ATP2B2: variants seen among roughly 807,000 people sequenced by gnomAD.
ATP2B2 encodes the protein ATPase plasma membrane Ca2+ transporting 2.
ATP2B2 carries 15 observed loss-of-function variants against 120.0 expected under a neutral mutation model. The observed-to-expected ratio is 0.12, with a 90% CI of 0.08 to 0.19. The LOEUF (loss-of-function observed/expected upper bound fraction) is 0.19, where lower values mean the gene tolerates loss of function less well. ATP2B2 is among the 10% of genes least tolerant of loss of function. ATP2B2 has a pLI of 1.00. For synonymous variants in ATP2B2, 694 were observed against 700.3 expected (o/e 0.99, Z 0.14); for missense variants, 1,045 against 1,719.8 (o/e 0.61, Z 6.94).
intron 1 of ATP2B2, among the ~76,000 whole-genome samples, chr3:10,451,336 C>A (rs376482319): frequency 5.9e-5 from 9 of 152,120 alleles, no homozygotes; most frequent in African/African-American, 2.2e-4. Context: ...GAGCGATTTG[C>A]GTTCAAATCC....
chr3:10,649,444 A>T (rs1010849589), intron 1 of ATP2B2, among the ~76,000 whole-genome samples: 3 of 152,132 alleles, frequency 2.0e-5, no homozygotes, highest in African/African-American at 7.2e-5. Flanking sequence ...ATCTTATGTC[A>T]TCCTTCTGCC....
intron 1 of ATP2B2, among the ~76,000 whole-genome samples, chr3:10,683,451 T>C (rs1264638796): frequency 1.3e-5 from 2 of 152,102 alleles, no homozygotes; most frequent in East Asian, 3.9e-4. Flanking sequence ...TCATTCTTCA[T>C]GTGGAACTGG....
At chr3:10,336,197 C>T in intron 22 of ATP2B2, 6 of 1,550,672 alleles carry the variant, frequency 3.9e-6, no homozygotes, top group Non-Finnish European at 5.2e-6. Flanking sequence ...GCGACTAGGG[C>T]TAGAGAGATT....
intron 2 of ATP2B2, among the ~76,000 whole-genome samples, chr3:10,416,681 A>G (rs2062792892): frequency 6.6e-6 from 1 of 151,822 alleles, no homozygotes; most frequent in South Asian, 2.1e-4. Context: ...TTGGCCCCAG[A>G]GCACAGAGCT....
intron 3 of ATP2B2, among the ~76,000 whole-genome samples, chr3:10,407,088 C>T (rs6786239): frequency 0.12 from 18,858 of 152,158 alleles, 1,452 homozygotes; most frequent in Admixed American, 0.22. Flanking sequence ...CTCCCCAGTG[C>T]GGGAAGCCTG....
intron 2 of ATP2B2, among the ~76,000 whole-genome samples, chr3:10,547,223 G>A (rs536568712): frequency 2.6e-5 from 4 of 152,202 alleles, no homozygotes; most frequent in South Asian, 2.1e-4. Flanking sequence ...GGGACTCAGC[G>A]GCTCTGGTTG....
At chr3:10,676,624 A>G (rs1206251834) in intron 1 of ATP2B2, among the ~76,000 whole-genome samples, 1 of 152,192 alleles carries the variant, frequency 6.6e-6, no homozygotes, top group Non-Finnish European at 1.5e-5. Flanking sequence ...CAGTAGGAAC[A>G]CTGCAAATAT....
rs1262681625 is a variant in ATP2B2 at position 10,342,025 on chromosome 3, G to A, written c.2917+727C>T. Among the ~76,000 whole-genome samples, 1 of 152,232 alleles carries A rather than the reference G, an allele frequency of 6.6e-6. No homozygotes were observed. The highest frequency in any genetic ancestry group is 2.4e-5 in the African/African-American group (1 of 41,460). ...GGCCCTGATTCCATGTGGGACTGCGGGCCAGACCCTTCCCCTCTCTGGGCC... is the reference window on the plus strand; with the variant it reads ...GGCCCTGATTCCATGTGGGACTGCGAGCCAGACCCTTCCCCTCTCTGGGCC... On this transcript the variant is annotated intron_variant, in intron 19 of 22. Coordinates refer to ENST00000360273, the MANE Select transcript of ATP2B2 (RefSeq NM_001001331.4). This position sits in a 1 kb window ranked among gnomAD's most constrained non-coding sequence, Gnocchi z 4.4.
chr3:10,345,583 GA>G lies in ATP2B2; in HGVS notation c.2512-9del, dbSNP rs768058291. ...GTCAGTGCCTGCGATGCCCTGTGGG[GA>G]CAGGGACAGGAGGCTGGGTGGGGTG... On this transcript the variant is annotated splice_polypyrimidine_tract_variant and intron_variant, in intron 17 of 22. Coordinates refer to ENST00000360273, the MANE Select transcript of ATP2B2 (RefSeq NM_001001331.4). 6.2e-7 allele frequency: 1 copy of G among 1,613,742 alleles called. No individual in the cohort carries two copies. Among genetic ancestry groups the G allele is most frequent in the Non-Finnish European group, 8.5e-7 (1 of 1,179,666 alleles).
intron 1 of ATP2B2, among the ~76,000 whole-genome samples, chr3:10,452,038 T>C (rs1323994207): frequency 6.6e-6 from 1 of 152,244 alleles, no homozygotes; most frequent in Non-Finnish European, 1.5e-5. Flanking sequence ...AGTGAATGAA[T>C]GAAAAGCAAA....
In ATP2B2 at chr3:10,605,583, A is replaced by C. The variant is rs1035625112; in HGVS notation, c.-415+14334T>G. On this transcript the variant is annotated intron_variant, in intron 2 of 21. Transcript: ENST00000646379. ...ACCTAAGAACAGTTTGTGAGGCTGG[A>C]GCTGGAGGATTGCTTGAGGCCAGCA... Among the ~76,000 whole-genome samples, 5 of 152,014 alleles carry C rather than the reference A, an allele frequency of 3.3e-5. No individual in the cohort carries two copies. In the East Asian group the frequency reaches 7.8e-4, roughly 24 times the overall value.
chr3:10,476,162 G>T (rs1018339848), intron 1 of ATP2B2, among the ~76,000 whole-genome samples: 27 of 152,220 alleles, frequency 1.8e-4, no homozygotes, highest in Admixed American at 8.5e-4. Flanking sequence ...ACCAGCTGGT[G>T]AAACTGGGAA....
At chr3:10,419,328 G>A (rs998350959) in intron 2 of ATP2B2, among the ~76,000 whole-genome samples, 5 of 152,168 alleles carry the variant, frequency 3.3e-5, no homozygotes, top group African/African-American at 1.2e-4. Context: ...GCAGTCTGGG[G>A]TTGACAGAGG....
intron 1 of ATP2B2, among the ~76,000 whole-genome samples, chr3:10,471,364 CTGTG>C (rs58583936): frequency 0.12 from 18,506 of 150,326 alleles, 1,614 homozygotes; most frequent in East Asian, 0.35. Context: ...TTCAGGAAAC[CTGTG>C]TGTGTGTGTG....
At chr3:10,491,210 G>A (rs1393292521) in intron 1 of ATP2B2, among the ~76,000 whole-genome samples, 2 of 151,108 alleles carry the variant, frequency 1.3e-5, no homozygotes, top group African/African-American at 2.4e-5. Context: ...CACATGTGCT[G>A]GCTCCTTCAT....
At chr3:10,348,755 G>T (rs574111705) in intron 16 of ATP2B2, among the ~76,000 whole-genome samples, 1 of 152,376 alleles carries the variant, frequency 6.6e-6, no homozygotes, top group South Asian at 2.1e-4. Flanking sequence ...GCAGCCTTTT[G>T]CTCTATGCAG....
intron 2 of ATP2B2, among the ~76,000 whole-genome samples, chr3:10,590,536 C>T (rs2068619084): frequency 6.6e-6 from 1 of 152,260 alleles, no homozygotes; most frequent in Non-Finnish European, 1.5e-5. Flanking sequence ...CTAGGGCTGG[C>T]AGGTGCCTGC....
chr3:10,424,981 C>G (rs2063101303), intron 2 of ATP2B2, among the ~76,000 whole-genome samples: 1 of 152,058 alleles, frequency 6.6e-6, no homozygotes, highest in African/African-American at 2.4e-5. Flanking sequence ...TTAGGGGACT[C>G]TAGCTGTGAC....
chr3:10,477,664 C>A (rs924874439), intron 1 of ATP2B2, among the ~76,000 whole-genome samples: 6 of 152,230 alleles, frequency 3.9e-5, no homozygotes, highest in Non-Finnish European at 8.8e-5. Context: ...CCCTTTATGG[C>A]TGGCTTATTT....
Sources: gnomAD v4.1 joint callset for allele counts (sites outside exome capture counted in the v4.1 genomes callset) on GRCh38, gnomAD v4.1.1 for gene constraint, Gnocchi (gnomAD v3.1) non-coding constraint, MANE v1.5 for transcripts, NCBI Gene and HGNC (gene_info 2026-07-23, HGNC 2026-07-21) for gene names.